Variants in SNRPN observed in about 807,000 individuals in gnomAD.
The protein encoded by SNRPN is small nuclear ribonucleoprotein-associated protein N.
Under a neutral mutation model 25.2 loss-of-function variants are expected in SNRPN, and 7 were observed. The observed-to-expected ratio is 0.28, with a 90% CI of 0.16 to 0.52. The LOEUF (loss-of-function observed/expected upper bound fraction) is 0.52. SNRPN is among the 20% of genes least tolerant of loss of function. The pLI is 0.96. For synonymous variants in SNRPN, 124 were observed against 110.6 expected, an observed-to-expected ratio of 1.12 and a Z score of -0.76; for missense variants, 196 against 322.5, an observed-to-expected ratio of 0.61 and a Z score of 3.00.
At position 24,929,417 on chromosome 15, in the gene SNRPN, A is replaced by G. The variant is rs1448108351; in HGVS notation, c.-391+9293A>G. Among the ~76,000 whole-genome samples, 2 of 152,160 alleles carry G rather than the reference A, an allele frequency of 1.3e-5. No individual in the cohort carries two copies. Among genetic ancestry groups the G allele is most frequent in the Non-Finnish European group, 2.9e-5 (2 of 68,026 alleles). On this transcript the variant is annotated intron_variant, in intron 3 of 11. Transcript: ENST00000400097. This position sits in a 1 kb window ranked among gnomAD's most constrained non-coding sequence, Gnocchi z 5.3. ...AGGAGCATCATCATACACACATCAT[A>G]GATTTAATATTAAACTTTTAAAATT...
chr15:24,902,338 G>A lies in SNRPN; in HGVS notation c.-505+15749G>A, dbSNP rs145325268. 3.0e-3 allele frequency among the ~76,000 whole-genome samples: 454 copies of A among 152,156 alleles called. 2 individuals are homozygous for A. Among genetic ancestry groups the A allele is most frequent in the Middle Eastern group, 0.01 (3 of 294 alleles). The stretch of plus-strand genomic sequence containing the variant: ...ATGTAGTTGAAATTTAAGTGGTCAG[G>A]GAATGCTATCTAGAGGAAGAAAATT... On this transcript the variant is annotated intron_variant, in intron 2 of 11. Transcript: ENST00000400097.
chr15:24,975,585 T>G, intron 5 of SNRPN, 76 bp downstream of exon 5: 1 of 1,258,756 alleles, frequency 7.9e-7, no homozygotes, highest in South Asian at 1.3e-5. Context: ...AGTAAGGGAT[T>G]TCCGAGGGTA....
At chr15:24,828,526 G>T (rs545219705) in intron 1 of SNRPN, among the ~76,000 whole-genome samples, 1 of 152,098 alleles carries the variant, frequency 6.6e-6, no homozygotes, top group African/African-American at 2.4e-5. Context: ...CAGCCTGGGC[G>T]ACAGAGCGAG....
intron 2 of SNRPN, among the ~76,000 whole-genome samples, chr15:24,831,436 T>G (rs2050506517): frequency 6.6e-6 from 1 of 151,906 alleles, no homozygotes; most frequent in Non-Finnish European, 1.5e-5. Flanking sequence ...AAGTGAAAAA[T>G]TCTTGCTAAG....
At chr15:24,930,011 C>T (rs1180746619) in intron 3 of SNRPN, among the ~76,000 whole-genome samples, 1 of 151,906 alleles carries the variant, frequency 6.6e-6, no homozygotes, top group Non-Finnish European at 1.5e-5. Flanking sequence ...CGCGGTGAAA[C>T]CCTGTCTCCA....
chr15:24,956,425 G>C (rs1013595764), intron 1 of SNRPN, among the ~76,000 whole-genome samples: 1 of 151,930 alleles, frequency 6.6e-6, no homozygotes, highest in Admixed American at 6.6e-5. Context: ...TTCAGCTTCT[G>C]CTGTTTCGGA....
chr15:24,978,091 A>G lies in SNRPN; in HGVS notation c.560-102A>G, dbSNP rs112780857. On this transcript the variant is annotated intron_variant, in intron 8 of 9. Coordinates refer to ENST00000390687, the MANE Select transcript of SNRPN (RefSeq NM_003097.6). ...TGTCATATAGAAGTTATTTGACTCT[A>G]TCATTGTTGTCTGGCCCATTTCTTT... 7 of 1,307,596 alleles carry G rather than the reference A, an allele frequency of 5.4e-6. No homozygotes were observed. The African/African-American group carries it at 8.9e-5, about 17-fold the overall frequency. The allele number at this position is 1,307,596 out of a possible 1,614,324, so 81.0% of individuals were successfully genotyped here.
chr15:24,960,358 G>A lies in SNRPN; in HGVS notation c.-390-1756G>A, dbSNP rs1388420361. ...ATTTCAGTGGGGGTTTTTTCATTTT[G>A]AGGCAGGGTCTGGCTCTGTCACCCA... is the stretch of plus-strand genomic sequence containing the variant. On this transcript the variant is annotated intron_variant, in intron 1 of 9. Transcript: ENST00000390687. 2.0e-5 allele frequency among the ~76,000 whole-genome samples: 3 copies of A among 151,842 alleles called. No individual in the cohort carries two copies. In the South Asian group the frequency reaches 6.2e-4, roughly 32 times the overall value.
intron 1 of SNRPN, among the ~76,000 whole-genome samples, chr15:24,826,256 G>A (rs151239627): frequency 1.5e-4 from 23 of 152,138 alleles, no homozygotes; most frequent in African/African-American, 4.8e-4. Flanking sequence ...ACTGTACTTG[G>A]AGGTCTTGAT....
At chr15:24,844,652 G>T (rs750920464) in intron 2 of SNRPN, among the ~76,000 whole-genome samples, 14 of 152,044 alleles carry the variant, frequency 9.2e-5, no homozygotes, top group Non-Finnish European at 1.8e-4. Flanking sequence ...AGCCTCTTGA[G>T]TAGCTGGGAT....
chr15:24,960,692 A>G (rs1280174108), intron 1 of SNRPN, among the ~76,000 whole-genome samples: 4 of 152,184 alleles, frequency 2.6e-5, no homozygotes, highest in African/African-American at 7.2e-5. Flanking sequence ...AGGACTGTCT[A>G]TTCAAGTGTT....
chr15:24,895,977 C>A (rs1273268689), intron 2 of SNRPN, among the ~76,000 whole-genome samples: 3 of 152,140 alleles, frequency 2.0e-5, no homozygotes, highest in Non-Finnish European at 4.4e-5. Context: ...CATGTAAGAC[C>A]TTAAGACATA....
chr15:24,970,468 A>C (rs957273115), intron 3 of SNRPN, among the ~76,000 whole-genome samples: 4 of 151,906 alleles, frequency 2.6e-5, no homozygotes, highest in Non-Finnish European at 5.9e-5. Context: ...AATCCCAGCT[A>C]CTCGGGAGGC....
intron 2 of SNRPN, among the ~76,000 whole-genome samples, chr15:24,964,046 A>G (rs1374070762): frequency 1.3e-5 from 2 of 152,148 alleles, no homozygotes; most frequent in Admixed American, 6.5e-5. Context: ...AGAAAAAAAA[A>G]GTTGTAAAAC....
intron 3 of SNRPN, among the ~76,000 whole-genome samples, chr15:24,924,539 T>A (rs1008569667): frequency 6.6e-5 from 10 of 151,946 alleles, no homozygotes; most frequent in Non-Finnish European, 1.5e-4. Flanking sequence ...CCACATAACC[T>A]CAGTTGAAAG....
intron 2 of SNRPN, among the ~76,000 whole-genome samples, chr15:24,840,686 AC>A (rs1246369682): frequency 1.3e-5 from 2 of 152,132 alleles, no homozygotes; most frequent in East Asian, 3.9e-4. Flanking sequence ...AAGCGACCTA[AC>A]CAGCTGCCAG....
chr15:24,862,315 G>C (rs1463411434), intron 1 of SNRPN, among the ~76,000 whole-genome samples: 1 of 151,012 alleles, frequency 6.6e-6, no homozygotes, highest in Non-Finnish European at 1.5e-5. Context: ...AGATGAGGTA[G>C]AAGCAGCATG....
At chr15:24,865,112 T>C (rs1439337183) in intron 1 of SNRPN, among the ~76,000 whole-genome samples, 1 of 149,446 alleles carries the variant, frequency 6.7e-6, no homozygotes, top group Non-Finnish European at 1.5e-5. Context: ...CATGGTACCA[T>C]CGTGGCTCAC....
chr15:24,884,935 G>C (rs1194629752), intron 1 of SNRPN, among the ~76,000 whole-genome samples: 1 of 152,140 alleles, frequency 6.6e-6, no homozygotes, highest in Non-Finnish European at 1.5e-5. Context: ...CTCAGCTATA[G>C]AGTAGAGCAT....
Sources: allele counts gnomAD v4.1 joint callset (sites outside exome capture counted in the v4.1 genomes callset), GRCh38; gene constraint gnomAD v4.1.1; non-coding constraint Gnocchi (gnomAD v3.1); transcripts MANE v1.5; gene names NCBI Gene and HGNC (gene_info 2026-07-23, HGNC 2026-07-21).